Variants in FOXK1 observed in about 807,000 individuals in gnomAD.
FOXK1 encodes forkhead box protein K1.
In FOXK1, 19 loss-of-function variants were observed where a neutral mutation model predicts 51.9. That is an observed-to-expected ratio of 0.37 (90% confidence interval 0.26 to 0.54). The LOEUF is 0.54. Ranked by LOEUF, FOXK1 falls within the 20% of genes least tolerant of loss-of-function variation. The pLI is 0.87. For missense variants in FOXK1, 870 were observed against 1,032.7 expected (o/e 0.84, Z 2.16); for synonymous variants, 537 against 482.6 (o/e 1.11, Z -1.48).
Position 4,707,749 on chromosome 7 carries a change from A to C in FOXK1, c.560+24881A>C, listed in dbSNP as rs1780122651. Among the ~76,000 whole-genome samples the C allele has an allele frequency of 6.6e-6, 1 of 151,358 alleles. No homozygotes were observed. The highest frequency in any genetic ancestry group is 1.5e-5 in the Non-Finnish European group (1 of 67,936). Reference sequence around the variant, plus strand: ...GCCCAGGCTGGAGTGCAGTGGCACGATCGTGGCTCTCTGCAACCTCCGCCT... The same window carrying C: ...GCCCAGGCTGGAGTGCAGTGGCACGCTCGTGGCTCTCTGCAACCTCCGCCT... On this transcript the variant is annotated intron_variant, in intron 1 of 8. Transcript: ENST00000328914. This position sits in a 1 kb window ranked among gnomAD's most constrained non-coding sequence, Gnocchi z 4.1.
intron 1 of FOXK1, 124 bp from the exon 2 acceptor site, chr7:4,740,714 C>A: frequency 1.0e-6 from 1 of 970,018 alleles, no homozygotes; most frequent in Non-Finnish European, 1.5e-6. Context: ...AAACTGCTCT[C>A]TGGGGCCCAG....
chr7:4,742,089 G>C (rs1038211201), intron 2 of FOXK1, among the ~76,000 whole-genome samples: 1 of 152,252 alleles, frequency 6.6e-6, no homozygotes, highest in African/African-American at 2.4e-5. Context: ...GTTTGGTGCC[G>C]GAGCTGTGGC....
intron 1 of FOXK1, among the ~76,000 whole-genome samples, chr7:4,688,393 T>C (rs1779847556): frequency 1.3e-5 from 2 of 151,980 alleles, no homozygotes; most frequent in South Asian, 2.1e-4. Context: ...TCTTTTCTTT[T>C]CTTTTTTTTA....
In FOXK1 at chr7:4,767,960, G is replaced by C. The variant is rs1194879730; in HGVS notation, c.*5496G>C. The C allele has an allele frequency of 1.3e-5, 2 of 151,958 alleles. No individual in the cohort carries two copies. The highest frequency in any genetic ancestry group is 1.5e-5 in the Non-Finnish European group (1 of 68,008). The allele number at this position is 151,958 out of a possible 1,614,324, so 9.4% of individuals were successfully genotyped here. A position where few individuals can be genotyped will look rare whatever the true frequency, so the allele number is the denominator to read the frequency against. ...GAATTCTGTCGGAGTTGAATCTGTG[G>C]AAAGGATTGTCCCATTAGAGCTGCT... is the stretch of plus-strand genomic sequence containing the variant. On this transcript the variant is annotated 3_prime_UTR_variant, in exon 9 of 9. Coordinates refer to ENST00000328914, the MANE Select transcript of FOXK1 (RefSeq NM_001037165.2). This position sits in a 1 kb window ranked among gnomAD's most constrained non-coding sequence, Gnocchi z 6.6.
intron 1 of FOXK1, among the ~76,000 whole-genome samples, chr7:4,727,610 G>A (rs117123042): frequency 0.038 from 5,818 of 152,286 alleles, 190 homozygotes; most frequent in Middle Eastern, 0.092. Context: ...CACGGCGCCC[G>A]GCCTGATTTT....
At chr7:4,710,436 G>A (rs894654371) in intron 1 of FOXK1, among the ~76,000 whole-genome samples, 8 of 152,170 alleles carry the variant, frequency 5.3e-5, no homozygotes, top group Non-Finnish European at 8.8e-5. Flanking sequence ...TTAGCTGGGC[G>A]TGGTGAGGGG....
rs1214404179 is a variant in FOXK1, at chr7:4,709,356, G to A, written c.560+26488G>A. On this transcript the variant is annotated intron_variant, in intron 1 of 8. Transcript: ENST00000328914. This position sits in a 1 kb window ranked among gnomAD's most constrained non-coding sequence, Gnocchi z 5.6. ...CTCCTTCCCAGTGTCACGTTGCTGC[G>A]TCCACGAGCCTGGCTTCCGCTTCCA... 9.2e-5 allele frequency among the ~76,000 whole-genome samples: 14 copies of A among 152,156 alleles called. No individual in the cohort carries two copies. Among genetic ancestry groups the A allele is most frequent in the African/African-American group, 3.4e-4 (14 of 41,432 alleles).
intron 1 of FOXK1, among the ~76,000 whole-genome samples, chr7:4,705,554 T>TCTCTCTCGCTCTCGCTCTCG (rs895937029): frequency 2.4e-4 from 31 of 131,594 alleles, no homozygotes; most frequent in African/African-American, 8.8e-4. Context: ...TCTCTCTCTC[T>TCTCTCTCGCTCTCGCTCTCG]CTCTCGCTCT....
intron 1 of FOXK1, among the ~76,000 whole-genome samples, chr7:4,710,171 T>C (rs1234008534): frequency 6.6e-6 from 1 of 152,232 alleles, no homozygotes; most frequent in Non-Finnish European, 1.5e-5. Context: ...GGACGAGTAG[T>C]TCATCTGCTC....
At position 4,747,261 on chromosome 7, in the gene FOXK1, C is replaced by T. The variant is rs547864465; in HGVS notation, c.746+6238C>T. ...GCGGGCATGTTACGCACGAGGACAG[C>T]CCTTTCCGGGTTCCATGAGCCTCAG... is the stretch of plus-strand genomic sequence containing the variant. On this transcript the variant is annotated intron_variant, in intron 2 of 8. Coordinates refer to ENST00000328914, the MANE Select transcript of FOXK1 (RefSeq NM_001037165.2). The surrounding 1 kb of genome is among the most constrained non-coding windows in gnomAD (Gnocchi z 9.2). 1.5e-4 allele frequency among the ~76,000 whole-genome samples: 23 copies of T among 151,262 alleles called. No individual in the cohort carries two copies. The South Asian group carries it at 4.6e-3, about 30-fold the overall frequency.
chr7:4,761,316 C>T lies in FOXK1; in HGVS notation c.1921+28C>T, dbSNP rs1780930036. On this transcript the variant is annotated intron_variant, in intron 8 of 8. Transcript: ENST00000328914. The surrounding 1 kb of genome is among the most constrained non-coding windows in gnomAD (Gnocchi z 6.2). ...GAGGCCCTGGCCCTGTTCTCCATGC[C>T]ACATCCCAAGCTCTGTGGCTCCCAG... 1.9e-6 allele frequency: 3 copies of T among 1,596,104 alleles called. No homozygotes were observed. Among genetic ancestry groups the T allele is most frequent in the Non-Finnish European group, 2.6e-6 (3 of 1,171,324 alleles).
At chr7:4,724,190 GGTT>G (rs1039179864) in intron 1 of FOXK1, among the ~76,000 whole-genome samples, 4 of 151,820 alleles carry the variant, frequency 2.6e-5, no homozygotes, top group Non-Finnish European at 4.4e-5. Context: ...TTTTGGGGGT[GGTT>G]GTTGTTGTTG....
rs1047874444 is a variant in FOXK1 at position 4,771,032 on chromosome 7, G to T, written c.*8568G>T. On this transcript the variant is annotated 3_prime_UTR_variant, in exon 9 of 9. Coordinates refer to ENST00000328914, the MANE Select transcript of FOXK1 (RefSeq NM_001037165.2). Reference sequence around the variant, plus strand: ...CTAGAGCATTGGATGTGAAGTTCTGGTCATGTCACCTTGCGTGTCTCACCC... The same window carrying T: ...CTAGAGCATTGGATGTGAAGTTCTGTTCATGTCACCTTGCGTGTCTCACCC... 2.0e-5 allele frequency: 3 copies of T among 152,470 alleles called. No individual in the cohort carries two copies. The highest frequency in any genetic ancestry group is 7.2e-5 in the African/African-American group (3 of 41,380). The allele number at this position is 152,470 out of a possible 1,614,324, so 9.4% of individuals were successfully genotyped here. A position where few individuals can be genotyped will look rare whatever the true frequency, so the allele number is the denominator to read the frequency against.
chr7:4,752,515 G>A (rs75329345), intron 2 of FOXK1, among the ~76,000 whole-genome samples: 3,875 of 152,326 alleles, frequency 0.025, 157 homozygotes, highest in African/African-American at 0.088. Flanking sequence ...CACACGTGCT[G>A]GGCCATCACT....
At position 4,709,238 on chromosome 7, in the gene FOXK1, C is replaced by T. The variant is rs1366738062; in HGVS notation, c.560+26370C>T. ...CACGCTATTTGCTGCCTGGCATCCC[C>T]ACCCTGTCATCCCGAGAATCCCACT... is the stretch of plus-strand genomic sequence containing the variant. On this transcript the variant is annotated intron_variant, in intron 1 of 8. Coordinates refer to ENST00000328914, the MANE Select transcript of FOXK1 (RefSeq NM_001037165.2). This position sits in a 1 kb window ranked among gnomAD's most constrained non-coding sequence, Gnocchi z 5.6. Among the ~76,000 whole-genome samples the T allele has an allele frequency of 6.6e-6, 1 of 152,180 alleles. No individual in the cohort carries two copies. Among genetic ancestry groups the T allele is most frequent in the African/African-American group, 2.4e-5 (1 of 41,432 alleles).
At chr7:4,716,655 G>C (rs533143783) in intron 1 of FOXK1, among the ~76,000 whole-genome samples, 21 of 152,368 alleles carry the variant, frequency 1.4e-4, no homozygotes, top group African/African-American at 4.8e-4. Flanking sequence ...TCAAGACCCA[G>C]TGCTGCTCTT....
At chr7:4,732,815 A>G (rs1313349882) in intron 1 of FOXK1, among the ~76,000 whole-genome samples, 1 of 152,086 alleles carries the variant, frequency 6.6e-6, no homozygotes, top group Non-Finnish European at 1.5e-5. Context: ...TGCCCTCCTC[A>G]TCCGGAGCCG....
At position 4,743,407 on chromosome 7, in the gene FOXK1, A is replaced by G. The variant is rs1035882952; in HGVS notation, c.746+2384A>G. Among the ~76,000 whole-genome samples, 11 of 152,068 alleles carry G rather than the reference A, an allele frequency of 7.2e-5. No individual in the cohort carries two copies. The highest frequency in any genetic ancestry group is 1.3e-4 in the Non-Finnish European group (9 of 68,020). Reference sequence around the variant, plus strand: ...TCTACTAAAAATACAAAAATCAGCCAGGCATGGTGCCATATGTCTGTAATC... The same window carrying G: ...TCTACTAAAAATACAAAAATCAGCCGGGCATGGTGCCATATGTCTGTAATC... On this transcript the variant is annotated intron_variant, in intron 2 of 8. Coordinates refer to ENST00000328914, the MANE Select transcript of FOXK1 (RefSeq NM_001037165.2). This position sits in a 1 kb window ranked among gnomAD's most constrained non-coding sequence, Gnocchi z 5.3.
intron 1 of FOXK1, among the ~76,000 whole-genome samples, chr7:4,721,101 C>CT (rs1233978267): frequency 6.6e-6 from 1 of 152,190 alleles, no homozygotes; most frequent in Non-Finnish European, 1.5e-5. Flanking sequence ...TTGCTTTACT[C>CT]TGTCACTGTT....
Sources: allele counts gnomAD v4.1 joint callset (sites outside exome capture counted in the v4.1 genomes callset), GRCh38; gene constraint gnomAD v4.1.1; non-coding constraint Gnocchi (gnomAD v3.1); transcripts MANE v1.5; gene names NCBI Gene and HGNC (gene_info 2026-07-23, HGNC 2026-07-21).